LARS2: variants seen among roughly 807,000 people sequenced by gnomAD.
The protein encoded by LARS2 is leucine--tRNA ligase, mitochondrial.
Under a neutral mutation model 116.6 loss-of-function variants are expected in LARS2, and 81 were observed. The observed-to-expected ratio is 0.69, with a 90% CI of 0.58 to 0.84. The LOEUF (loss-of-function observed/expected upper bound fraction) is 0.84, where lower values mean the gene tolerates loss of function less well. LARS2 is among the 40% of genes least tolerant of loss of function. LARS2 has a pLI of 0.00. For synonymous variants in LARS2, 396 were observed against 407.2 expected (o/e 0.97, Z 0.33); for missense variants, 968 against 1,114.5 (o/e 0.87, Z 1.87).
intron 3 of LARS2, among the ~76,000 whole-genome samples, chr3:45,395,958 A>G (rs1251142278): frequency 6.6e-6 from 1 of 152,240 alleles, no homozygotes; most frequent in Non-Finnish European, 1.5e-5. Flanking sequence ...ACATCATCAG[A>G]CTAATGTAAC....
At chr3:45,472,668 G>T (rs778596326) in intron 8 of LARS2, among the ~76,000 whole-genome samples, 1 of 152,216 alleles carries the variant, frequency 6.6e-6, no homozygotes, top group African/African-American at 2.4e-5. Flanking sequence ...CTGAATTTAA[G>T]AACTGTTGTT....
chr3:45,455,972 A>G (rs918382349), intron 7 of LARS2, among the ~76,000 whole-genome samples: 1 of 152,068 alleles, frequency 6.6e-6, no homozygotes, highest in Admixed American at 6.6e-5. Context: ...AGAGAGTAGA[A>G]TGATGGTTAC....
intron 6 of LARS2, among the ~76,000 whole-genome samples, chr3:45,437,253 G>A (rs575329071): frequency 7.2e-5 from 11 of 152,278 alleles, no homozygotes; most frequent in African/African-American, 2.6e-4. Flanking sequence ...CCTGTAAAAA[G>A]TGTCTAGCAT....
At chr3:45,464,337 CTGGACTCTGGAA>C (rs1363620512) in intron 8 of LARS2, among the ~76,000 whole-genome samples, 1 of 152,034 alleles carries the variant, frequency 6.6e-6, no homozygotes, top group African/African-American at 2.4e-5. Context: ...CAAGAGTCAT[CTGGACTCTGGAA>C]TGAAGACCGT....
In LARS2 at chr3:45,529,616, ACTAACTGTAATTGCTTGGTCAGAAG is replaced by A. The variant is rs575767822; in HGVS notation, c.2404+5509_2404+5533del. Among the ~76,000 whole-genome samples, 208 of 152,324 alleles carry A rather than the reference ACTAACTGTAATTGCTTGGTCAGAAG, an allele frequency of 1.4e-3. 1 individual carries two copies. Among genetic ancestry groups the A allele is most frequent in the African/African-American group, 4.8e-3 (198 of 41,580 alleles). On this transcript the variant is annotated intron_variant, in intron 20 of 21. Transcript: ENST00000645846. ...CAAAATTATTTCCTAAGAACACATAACTAACTGTAATTGCTTGGTCAGAAGAGATACAAAAGATTAAGGCTTTTGA... is the reference window on the plus strand; with the variant it reads ...CAAAATTATTTCCTAAGAACACATAAAGATACAAAAGATTAAGGCTTTTGA...
At chr3:45,499,584 T>C (rs1217871307) in intron 14 of LARS2, among the ~76,000 whole-genome samples, 1 of 152,208 alleles carries the variant, frequency 6.6e-6, no homozygotes, top group African/African-American at 2.4e-5. Context: ...ATTGTGCCAC[T>C]GCGCTCCAGC....
At chr3:45,445,789 C>T (rs780451023) in intron 6 of LARS2, among the ~76,000 whole-genome samples, 1 of 152,184 alleles carries the variant, frequency 6.6e-6, no homozygotes, top group Non-Finnish European at 1.5e-5. Context: ...ACTGGGGGCA[C>T]AGATGTTTAC....
At chr3:45,434,861 A>G (rs1698774271) in intron 6 of LARS2, among the ~76,000 whole-genome samples, 2 of 152,122 alleles carry the variant, frequency 1.3e-5, no homozygotes, top group South Asian at 4.1e-4. Flanking sequence ...ATGGAAGTAC[A>G]AGCTCCCCAC....
intron 6 of LARS2, among the ~76,000 whole-genome samples, chr3:45,425,055 C>G (rs948366373): frequency 6.6e-6 from 1 of 152,084 alleles, no homozygotes; most frequent in Admixed American, 6.5e-5. Flanking sequence ...TTATCTCATT[C>G]AGTTCCCATT....
rs149540858 is a variant in LARS2, at chr3:45,440,440, G to A, written c.517-6451G>A. On this transcript the variant is annotated intron_variant, in intron 6 of 21. Coordinates refer to ENST00000645846, the MANE Select transcript of LARS2 (RefSeq NM_015340.4). Reference sequence around the variant, plus strand: ...TCCAAGACTCATTGTTTTGAAGGCAGGAGGCTCACAATGAGACTTGGGGAG... The same window carrying A: ...TCCAAGACTCATTGTTTTGAAGGCAAGAGGCTCACAATGAGACTTGGGGAG... 6.3e-3 allele frequency among the ~76,000 whole-genome samples: 952 copies of A among 152,238 alleles called. 10 individuals carry two copies. Among genetic ancestry groups the A allele is most frequent in the African/African-American group, 0.022 (916 of 41,548 alleles).
intron 11 of LARS2, among the ~76,000 whole-genome samples, chr3:45,486,674 A>G (rs1699820488): frequency 6.6e-6 from 1 of 152,224 alleles, no homozygotes; most frequent in Non-Finnish European, 1.5e-5. Context: ...AAAGCAGAAA[A>G]TCGATGTTAC....
intron 4 of LARS2, among the ~76,000 whole-genome samples, chr3:45,417,138 T>C (rs1698437721): frequency 6.7e-6 from 1 of 148,458 alleles, no homozygotes; most frequent in South Asian, 2.1e-4. Context: ...ATACATTATG[T>C]GTGTGTGTGT....
chr3:45,484,317 A>C (rs1043146338), intron 10 of LARS2, among the ~76,000 whole-genome samples: 1 of 151,784 alleles, frequency 6.6e-6, no homozygotes, highest in African/African-American at 2.4e-5. Context: ...TTGTAAATTA[A>C]GTCAAGTGAA....
chr3:45,401,017 T>C (rs981084169), intron 4 of LARS2, among the ~76,000 whole-genome samples: 5 of 152,158 alleles, frequency 3.3e-5, no homozygotes, highest in African/African-American at 1.2e-4. Context: ...TTCACTGTGT[T>C]AGCCAGGATG....
intron 8 of LARS2, among the ~76,000 whole-genome samples, chr3:45,466,038 A>G (rs1413340391): frequency 1.3e-5 from 2 of 152,240 alleles, no homozygotes; most frequent in Non-Finnish European, 2.9e-5. Context: ...TGTTTCCAAG[A>G]TGGAATGACT....
intron 15 of LARS2, among the ~76,000 whole-genome samples, chr3:45,503,911 T>C (rs1477235353): frequency 1.3e-5 from 2 of 152,050 alleles, no homozygotes; most frequent in Non-Finnish European, 2.9e-5. Flanking sequence ...TCCTCGACTT[T>C]TAGGTTTCTT....
intron 6 of LARS2, among the ~76,000 whole-genome samples, chr3:45,426,529 T>C (rs1698597487): frequency 6.6e-6 from 1 of 152,238 alleles, no homozygotes; most frequent in Non-Finnish European, 1.5e-5. Flanking sequence ...ACCTTTGTTT[T>C]AGCTGAAATG....
At chr3:45,516,317 C>G in intron 17 of LARS2, 41 bp downstream of exon 17, 1 of 1,563,466 alleles carries the variant, frequency 6.4e-7, no homozygotes, top group East Asian at 2.2e-5. Flanking sequence ...CCTTTGTGAT[C>G]TGCCCTGGAC....
chr3:45,410,867 T>C (rs1026259089), intron 4 of LARS2, among the ~76,000 whole-genome samples: 4 of 152,192 alleles, frequency 2.6e-5, no homozygotes, highest in African/African-American at 9.6e-5. Flanking sequence ...CAGTTCGTAC[T>C]AACACTATAT....
Sources: gnomAD v4.1 joint callset for allele counts (sites outside exome capture counted in the v4.1 genomes callset) on GRCh38, gnomAD v4.1.1 for gene constraint, MANE v1.5 for transcripts, NCBI Gene and HGNC (gene_info 2026-07-23, HGNC 2026-07-21) for gene names.